LUZP2: variants seen among roughly 807,000 people sequenced by gnomAD.
LUZP2 encodes leucine zipper protein 2.
A neutral mutation model predicts 51.6 loss-of-function variants in LUZP2; 52 were observed. That is an observed-to-expected ratio of 1.01 (90% CI 0.81 to 1.27). The LOEUF (loss-of-function observed/expected upper bound fraction) is 1.27. Ranked by LOEUF, LUZP2 falls within the 50% of genes most tolerant of loss-of-function variation. The probability of loss-of-function intolerance (pLI) is 0.00; values close to 1 mark genes in which losing one functional copy is unlikely to be tolerated. For missense variants in LUZP2, 436 were observed against 395.4 expected, an observed-to-expected ratio of 1.10 and a Z score of -0.87; for synonymous variants, 154 against 137.3, an observed-to-expected ratio of 1.12 and a Z score of -0.85.
chr11:24,897,648 A>G (rs1287265999), intron 5 of LUZP2, among the ~76,000 whole-genome samples: 2 of 152,172 alleles, frequency 1.3e-5, no homozygotes, highest in Admixed American at 6.5e-5. Context: ...CTCTGGACAC[A>G]CATATTTAAG....
chr11:24,787,518 A>ATT (rs1849283366), intron 5 of LUZP2, among the ~76,000 whole-genome samples: 1 of 152,112 alleles, frequency 6.6e-6, no homozygotes, highest in Non-Finnish European at 1.5e-5. Flanking sequence ...TTGTCAGGTG[A>ATT]TTGTTTTTCA....
chr11:24,920,535 C>G (rs1460042061), intron 7 of LUZP2, among the ~76,000 whole-genome samples: 1 of 151,922 alleles, frequency 6.6e-6, no homozygotes, highest in Non-Finnish European at 1.5e-5. Flanking sequence ...TATACAGAAT[C>G]AATTGTAATA....
intron 4 of LUZP2, among the ~76,000 whole-genome samples, chr11:24,762,555 T>A (rs1314876928): frequency 3.9e-5 from 6 of 152,320 alleles, no homozygotes; most frequent in Non-Finnish European, 8.8e-5. Flanking sequence ...ATAGTTATTT[T>A]CTTATTATAG....
chr11:24,766,996 A>T (rs1860215843), intron 5 of LUZP2, among the ~76,000 whole-genome samples: 3 of 152,106 alleles, frequency 2.0e-5, no homozygotes, highest in African/African-American at 7.2e-5. Flanking sequence ...TCCTGACCTC[A>T]GGTGTGATCC....
At chr11:24,964,226 A>G (rs1855514362) in intron 7 of LUZP2, among the ~76,000 whole-genome samples, 1 of 152,158 alleles carries the variant, frequency 6.6e-6, no homozygotes, top group African/African-American at 2.4e-5. Context: ...GAATATTTAG[A>G]TGTTAATTCA....
intron 5 of LUZP2, among the ~76,000 whole-genome samples, chr11:24,764,415 G>A (rs1234130204): frequency 1.3e-5 from 2 of 150,130 alleles, no homozygotes; most frequent in African/African-American, 4.9e-5. Context: ...CAGCACTTAG[G>A]GAGGCTGAGG....
rs187175778 is a variant in LUZP2 at position 24,536,186 on chromosome 11, G to A, written c.62+38881G>A. Among the ~76,000 whole-genome samples the A allele has an allele frequency of 6.3e-3, 954 of 151,834 alleles. 10 individuals are homozygous for A. The highest frequency in any genetic ancestry group is 0.021 in the South Asian group (102 of 4,820). On this transcript the variant is annotated intron_variant, in intron 1 of 11. Coordinates refer to ENST00000336930, the MANE Select transcript of LUZP2 (RefSeq NM_001009909.4). ...TTAACATGCCGGCAGAGTAGATTTA[G>A]CATACCTCTTAAGGGCCATGAGATT...
intron 5 of LUZP2, among the ~76,000 whole-genome samples, chr11:24,771,041 A>C (rs566989663): frequency 1.3e-5 from 2 of 152,252 alleles, no homozygotes; most frequent in Non-Finnish European, 2.9e-5. Context: ...CACATATTGC[A>C]CAGATCATGT....
chr11:24,974,523 T>C (rs1855832717), intron 7 of LUZP2, among the ~76,000 whole-genome samples: 1 of 152,104 alleles, frequency 6.6e-6, no homozygotes, highest in Admixed American at 6.6e-5. Context: ...AATTTTTGCA[T>C]AAATAGTTCT....
At chr11:24,602,285 C>CATATATGTGTATATATGT (rs1853747995) in intron 1 of LUZP2, among the ~76,000 whole-genome samples, 1 of 100,110 alleles carries the variant, frequency 1.0e-5, no homozygotes, top group African/African-American at 4.2e-5. Flanking sequence ...TATATACACA[C>CATATATGTGTATATATGT]ATATATATGT....
In LUZP2 at chr11:24,729,377, A is replaced by G. The variant is rs1273176052; in HGVS notation, c.180+91A>G. The stretch of plus-strand genomic sequence containing the variant: ...GACATGCATTTTTAAATAGTTTTTA[A>G]TGTGTTTCTGGGCTTGACCATGGTG... On this transcript the variant is annotated intron_variant, in intron 2 of 11. Coordinates refer to ENST00000336930, the MANE Select transcript of LUZP2 (RefSeq NM_001009909.4). The G allele has an allele frequency of 9.4e-6, 6 of 641,330 alleles. No individual in the cohort carries two copies. The Admixed American group carries it at 1.1e-4, about 12-fold the overall frequency. The allele number at this position is 641,330 out of a possible 1,614,324, so 39.7% of individuals were successfully genotyped here. A position where few individuals can be genotyped will look rare whatever the true frequency, so the allele number is the denominator to read the frequency against.
At chr11:24,855,519 T>C (rs1007950629) in intron 5 of LUZP2, among the ~76,000 whole-genome samples, 1 of 152,202 alleles carries the variant, frequency 6.6e-6, no homozygotes. Flanking sequence ...AAGAATCAAA[T>C]TGTTAAAATG....
chr11:25,038,826 C>T (rs1307297906), intron 9 of LUZP2, among the ~76,000 whole-genome samples: 6 of 152,116 alleles, frequency 3.9e-5, no homozygotes, highest in Admixed American at 3.9e-4. Context: ...GGCTTTATTT[C>T]TGGAAGCTTT....
At chr11:25,040,584 G>A (rs1398858003) in intron 9 of LUZP2, among the ~76,000 whole-genome samples, 1 of 152,022 alleles carries the variant, frequency 6.6e-6, no homozygotes, top group East Asian at 1.9e-4. Context: ...TCCTAACTCA[G>A]TGGACCTCTC....
At chr11:24,816,025 CT>C (rs2030028048) in intron 5 of LUZP2, among the ~76,000 whole-genome samples, 1 of 144,304 alleles carries the variant, frequency 6.9e-6, no homozygotes, top group African/African-American at 2.6e-5. Context: ...AAAAAAAAGA[CT>C]TTTATCACCC....
chr11:24,843,716 C>G (rs1851106087), intron 5 of LUZP2, among the ~76,000 whole-genome samples: 1 of 152,096 alleles, frequency 6.6e-6, no homozygotes, highest in African/African-American at 2.4e-5. Flanking sequence ...ACAATTCCCA[C>G]ATATCATGGG....
rs905049366 is a variant in LUZP2, at chr11:24,717,002, A to T, written c.63-12167A>T. On this transcript the variant is annotated intron_variant, in intron 1 of 11. Coordinates refer to ENST00000336930, the MANE Select transcript of LUZP2 (RefSeq NM_001009909.4). ...TAAAGGCTGTTGTGCAATCATTTTT[A>T]AAAAATAAAACTAATGATTAATTAT... Among the ~76,000 whole-genome samples, 9 of 152,292 alleles carry T rather than the reference A, an allele frequency of 5.9e-5. No individual in the cohort carries two copies. The East Asian group carries it at 1.2e-3, about 20-fold the overall frequency.
chr11:24,682,400 CAGG>C (rs1322170519), intron 1 of LUZP2, among the ~76,000 whole-genome samples: 1 of 151,276 alleles, frequency 6.6e-6, no homozygotes, highest in Non-Finnish European at 1.5e-5. Context: ...GAGGCTGAGG[CAGG>C]AGAATGGCTT....
intron 4 of LUZP2, among the ~76,000 whole-genome samples, chr11:24,755,609 C>G (rs1859744211): frequency 6.6e-6 from 1 of 152,150 alleles, no homozygotes; most frequent in African/African-American, 2.4e-5. Context: ...CCCCTCTCAG[C>G]CAACGGGATT....
Sources: gnomAD v4.1 joint callset for allele counts (sites outside exome capture counted in the v4.1 genomes callset) on GRCh38, gnomAD v4.1.1 for gene constraint, MANE v1.5 for transcripts, NCBI Gene and HGNC (gene_info 2026-07-23, HGNC 2026-07-21) for gene names.